PAPPA2: variants seen among roughly 807,000 people sequenced by gnomAD.
The protein encoded by PAPPA2 is pappalysin-2.
PAPPA2 carries 86 observed loss-of-function variants against 176.4 expected under a neutral mutation model. The ratio of observed to expected loss-of-function variants is 0.49; its 90% CI spans 0.41 to 0.58. The LOEUF (loss-of-function observed/expected upper bound fraction) is 0.58. Ranked by LOEUF, PAPPA2 falls within the 20% of genes least tolerant of loss-of-function variation. The probability of loss-of-function intolerance (pLI) is 0.00; values close to 1 mark genes in which losing one functional copy is unlikely to be tolerated. For synonymous variants in PAPPA2, 809 were observed against 852.2 expected, an observed-to-expected ratio of 0.95 and a Z score of 0.88; for missense variants, 2,073 against 2,256.9, an observed-to-expected ratio of 0.92 and a Z score of 1.65.
chr1:176,473,230 C>A (rs960057956), intron 1 of PAPPA2, among the ~76,000 whole-genome samples: 1 of 152,176 alleles, frequency 6.6e-6, no homozygotes, highest in Admixed American at 6.6e-5. Flanking sequence ...AACCACTTAT[C>A]TTTTTACTGT....
intron 14 of PAPPA2, among the ~76,000 whole-genome samples, chr1:176,740,816 A>G (rs1006383597): frequency 3.3e-5 from 5 of 152,128 alleles, no homozygotes; most frequent in Non-Finnish European, 7.4e-5. Flanking sequence ...AAACACAATA[A>G]TCTATTCTGC....
chr1:176,804,608 G>A (rs952072980), intron 21 of PAPPA2, among the ~76,000 whole-genome samples: 3 of 152,028 alleles, frequency 2.0e-5, no homozygotes, highest in Non-Finnish European at 4.4e-5. Context: ...AACCACAGAT[G>A]GGTTATATAA....
intron 1 of PAPPA2, among the ~76,000 whole-genome samples, chr1:176,553,064 G>A (rs192478947): frequency 1.6e-4 from 25 of 152,214 alleles, no homozygotes; most frequent in African/African-American, 6.0e-4. Context: ...TGCTGTGCAA[G>A]CCTGACTTCC....
At chr1:176,659,859 A>G (rs1658259321) in intron 3 of PAPPA2, among the ~76,000 whole-genome samples, 1 of 152,110 alleles carries the variant, frequency 6.6e-6, no homozygotes, top group African/African-American at 2.4e-5. Context: ...AACAACTATA[A>G]TTTGATAAGG....
intron 22 of PAPPA2, among the ~76,000 whole-genome samples, chr1:176,841,188 G>A (rs1257456570): frequency 6.6e-6 from 1 of 152,032 alleles, no homozygotes; most frequent in Non-Finnish European, 1.5e-5. Context: ...CAAGAGCTTG[G>A]AACAAAGGTC....
chr1:176,753,005 A>T (rs77270548), intron 14 of PAPPA2, among the ~76,000 whole-genome samples: 2,404 of 152,364 alleles, frequency 0.016, 81 homozygotes, highest in African/African-American at 0.054. Flanking sequence ...ATACGGAATT[A>T]TAGGTGGGAA....
At chr1:176,747,277 A>G (rs976308977) in intron 14 of PAPPA2, among the ~76,000 whole-genome samples, 7 of 152,226 alleles carry the variant, frequency 4.6e-5, no homozygotes, top group African/African-American at 1.2e-4. Flanking sequence ...GTTTTGAGGA[A>G]ATGATGACTT....
chr1:176,616,508 T>TTCA, intron 3 of PAPPA2: 2 of 1,028,058 alleles, frequency 1.9e-6, no homozygotes, highest in Non-Finnish European at 2.9e-6. Context: ...AACCAGGTTC[T>TTCA]TCACAAAACT....
chr1:176,674,734 G>GTTTTTTT (rs765026167), intron 4 of PAPPA2, among the ~76,000 whole-genome samples: 3 of 137,268 alleles, frequency 2.2e-5, no homozygotes, highest in African/African-American at 8.0e-5. Context: ...GTGTGCAAGT[G>GTTTTTTT]TTTTTTTTTT....
intron 21 of PAPPA2, among the ~76,000 whole-genome samples, chr1:176,820,727 T>G (rs1488617033): frequency 2.0e-5 from 3 of 152,132 alleles, no homozygotes; most frequent in African/African-American, 4.8e-5. Flanking sequence ...CTCTCCTGAT[T>G]CATACTTGGC....
chr1:176,664,998 G>C (rs1019679552), intron 3 of PAPPA2, among the ~76,000 whole-genome samples: 1 of 152,134 alleles, frequency 6.6e-6, no homozygotes, highest in African/African-American at 2.4e-5. Context: ...GAGTGAAGGA[G>C]AGCAAGGAAT....
chr1:176,492,658 C>T (rs992464281), intron 1 of PAPPA2, among the ~76,000 whole-genome samples: 14 of 152,126 alleles, frequency 9.2e-5, no homozygotes, highest in Non-Finnish European at 1.9e-4. Context: ...GCTACTCTTT[C>T]ACGTTGGAGA....
chr1:176,591,832 A>C (rs1259808194), intron 2 of PAPPA2, among the ~76,000 whole-genome samples: 2 of 152,236 alleles, frequency 1.3e-5, no homozygotes, highest in African/African-American at 2.4e-5. Context: ...TTTTAAACAA[A>C]TGATTTAAAA....
At chr1:176,671,628 C>G (rs1659005725) in intron 4 of PAPPA2, among the ~76,000 whole-genome samples, 1 of 152,014 alleles carries the variant, frequency 6.6e-6, no homozygotes, top group South Asian at 2.1e-4. Flanking sequence ...GAAAGACAAT[C>G]CTATTCACAA....
At chr1:176,725,708 G>A (rs931045005) in intron 12 of PAPPA2, among the ~76,000 whole-genome samples, 10 of 152,128 alleles carry the variant, frequency 6.6e-5, no homozygotes, top group Admixed American at 2.0e-4. Flanking sequence ...ACGCACGCGC[G>A]CGCACACACA....
At chr1:176,472,726 G>A (rs753689879) in intron 1 of PAPPA2, among the ~76,000 whole-genome samples, 3 of 152,020 alleles carry the variant, frequency 2.0e-5, no homozygotes, top group Non-Finnish European at 4.4e-5. Context: ...TGTGTGATAG[G>A]TTTTTACAAG....
At chr1:176,668,366 C>A (rs1658786307) in intron 3 of PAPPA2, among the ~76,000 whole-genome samples, 1 of 152,180 alleles carries the variant, frequency 6.6e-6, no homozygotes, top group Non-Finnish European at 1.5e-5. Context: ...CTGGTCAATG[C>A]ATGCCCCTTT....
intron 12 of PAPPA2, among the ~76,000 whole-genome samples, chr1:176,732,062 A>T (rs1256573809): frequency 2.0e-5 from 3 of 152,168 alleles, no homozygotes; most frequent in African/African-American, 7.2e-5. Flanking sequence ...TTCAGAGATG[A>T]CTTCAACCAC....
At chr1:176,624,928 T>C (rs753792367) in intron 3 of PAPPA2, among the ~76,000 whole-genome samples, 3 of 152,058 alleles carry the variant, frequency 2.0e-5, no homozygotes, top group Non-Finnish European at 2.9e-5. Context: ...TATAAGTGGG[T>C]GGGCAACAGC....
Sources: allele counts gnomAD v4.1 joint callset (sites outside exome capture counted in the v4.1 genomes callset), GRCh38; gene constraint gnomAD v4.1.1; transcripts MANE v1.5; gene names NCBI Gene and HGNC (gene_info 2026-07-23, HGNC 2026-07-21).